Variants in MDGA2 observed in about 807,000 individuals in gnomAD.
MDGA2 encodes the protein MAM domain-containing glycosylphosphatidylinositol anchor protein 2.
Under a neutral mutation model 117.8 loss-of-function variants are expected in MDGA2, and 40 were observed. The ratio of observed to expected loss-of-function variants is 0.34; its 90% confidence interval spans 0.26 to 0.44. The LOEUF (loss-of-function observed/expected upper bound fraction) is 0.44. Ranked by LOEUF, MDGA2 falls within the 20% of genes least tolerant of loss-of-function variation. The pLI is 1.00. For synonymous variants in MDGA2, 452 were observed against 439.0 expected (o/e 1.03, Z -0.37); for missense variants, 1,123 against 1,250.6 (o/e 0.90, Z 1.54).
chr14:46,926,101 T>A (rs1826640011), intron 9 of MDGA2, among the ~76,000 whole-genome samples: 1 of 152,196 alleles, frequency 6.6e-6, no homozygotes, highest in Admixed American at 6.5e-5. Context: ...TTGTGAAGCA[T>A]CTTAGTGATA....
chr14:47,366,047 C>T (rs531431990), intron 1 of MDGA2, among the ~76,000 whole-genome samples: 25 of 152,212 alleles, frequency 1.6e-4, no homozygotes, highest in African/African-American at 4.6e-4. Context: ...AAAGAAAAGG[C>T]GGAAAATCCT....
At chr14:47,175,600 C>A (rs1476383557) in intron 3 of MDGA2, among the ~76,000 whole-genome samples, 1 of 152,000 alleles carries the variant, frequency 6.6e-6, no homozygotes, top group South Asian at 2.1e-4. Flanking sequence ...AATTCAACTA[C>A]CCTTCATGCT....
intron 8 of MDGA2, among the ~76,000 whole-genome samples, chr14:46,995,267 AT>A (rs1887245659): frequency 1.3e-5 from 2 of 152,038 alleles, no homozygotes; most frequent in South Asian, 4.1e-4. Flanking sequence ...GAGTTTTTTG[AT>A]TTTCAGATCC....
chr14:47,219,612 CA>C (rs1886225315), intron 2 of MDGA2, among the ~76,000 whole-genome samples: 1 of 151,722 alleles, frequency 6.6e-6, no homozygotes, highest in South Asian at 2.1e-4. Flanking sequence ...AACATATTTG[CA>C]AAATAATGCA....
At chr14:47,289,400 T>G (rs4270072) in intron 2 of MDGA2, among the ~76,000 whole-genome samples, 26,404 of 150,564 alleles carry the variant, frequency 0.18, 2,336 homozygotes, top group Middle Eastern at 0.23. Context: ...ATCAATTAAT[T>G]TGATTATCAT....
intron 1 of MDGA2, among the ~76,000 whole-genome samples, chr14:47,345,760 T>G (rs1217994480): frequency 6.6e-6 from 1 of 152,158 alleles, no homozygotes; most frequent in African/African-American, 2.4e-5. Flanking sequence ...ACATTTCATA[T>G]TCACAGAAGT....
At chr14:47,059,252 C>A (rs1354882212) in intron 7 of MDGA2, 1 of 1,109,480 alleles carries the variant, frequency 9.0e-7, no homozygotes, top group South Asian at 1.3e-5. Context: ...GTGATGCAGA[C>A]AAAGTCTCAG....
chr14:46,980,326 T>C (rs1886622609), intron 8 of MDGA2, among the ~76,000 whole-genome samples: 1 of 152,164 alleles, frequency 6.6e-6, no homozygotes, highest in Non-Finnish European at 1.5e-5. Flanking sequence ...CCTGAAGATG[T>C]GACTGAACTG....
chr14:47,092,777 A>G (rs1436116810), intron 6 of MDGA2, among the ~76,000 whole-genome samples: 12 of 152,138 alleles, frequency 7.9e-5, no homozygotes. Context: ...GGGAAGGGAC[A>G]TGACCATGTC....
intron 6 of MDGA2, among the ~76,000 whole-genome samples, chr14:47,075,410 A>G (rs572003687): frequency 6.6e-6 from 1 of 152,308 alleles, no homozygotes; most frequent in East Asian, 1.9e-4. Context: ...TCCAGAGGGG[A>G]CATATCTGAA....
At chr14:47,267,097 A>T (rs1385750031) in intron 2 of MDGA2, among the ~76,000 whole-genome samples, 1 of 152,190 alleles carries the variant, frequency 6.6e-6, no homozygotes, top group African/African-American at 2.4e-5. Context: ...GATTGCATGA[A>T]GTACCTGGTA....
intron 7 of MDGA2, among the ~76,000 whole-genome samples, chr14:47,050,266 C>T (rs116948127): frequency 1.6e-4 from 24 of 151,894 alleles, no homozygotes; most frequent in Admixed American, 7.9e-4. Context: ...GCTTCTCATA[C>T]GTAAAATGAA....
At chr14:47,560,021 G>T (rs1478079437) in intron 1 of MDGA2, among the ~76,000 whole-genome samples, 2 of 151,900 alleles carry the variant, frequency 1.3e-5, no homozygotes, top group Non-Finnish European at 2.9e-5. Flanking sequence ...TGCCAACAGT[G>T]AATAAGTGTT....
intron 8 of MDGA2, among the ~76,000 whole-genome samples, chr14:46,961,179 C>T (rs1373866333): frequency 1.3e-5 from 2 of 151,942 alleles, no homozygotes; most frequent in South Asian, 2.1e-4. Context: ...TATACGGTTC[C>T]TAGTGATGAG....
At chr14:47,329,376 GAAAGA>G (rs1890232787) in intron 1 of MDGA2, among the ~76,000 whole-genome samples, 3 of 152,030 alleles carry the variant, frequency 2.0e-5, no homozygotes, top group Admixed American at 6.6e-5. Flanking sequence ...GAAAATAAAA[GAAAGA>G]AAAGAAAAGA....
intron 1 of MDGA2, among the ~76,000 whole-genome samples, chr14:47,412,499 C>T (rs1467158213): frequency 3.3e-5 from 5 of 152,152 alleles, no homozygotes; most frequent in African/African-American, 1.2e-4. Flanking sequence ...CCAGGTGGGT[C>T]TCGAAATCCT....
chr14:47,656,429 C>T (rs1319969871), intron 1 of MDGA2, among the ~76,000 whole-genome samples: 1 of 152,132 alleles, frequency 6.6e-6, no homozygotes, highest in African/African-American at 2.4e-5. Flanking sequence ...TGCCCTGCAG[C>T]CCCACTAATG....
intron 1 of MDGA2, among the ~76,000 whole-genome samples, chr14:47,491,803 A>T (rs201437193): frequency 2.5e-4 from 2 of 7,856 alleles, no homozygotes; most frequent in African/African-American, 1.2e-3. Flanking sequence ...AATCTGATTG[A>T]AAAAAAAAAG....
At chr14:46,865,584 A>G (rs920941661) in intron 14 of MDGA2, among the ~76,000 whole-genome samples, 3 of 152,098 alleles carry the variant, frequency 2.0e-5, no homozygotes, top group African/African-American at 7.2e-5. Flanking sequence ...TCAATTAGGA[A>G]AAGAGGAAGT....
Sources: gnomAD v4.1 joint callset for allele counts (sites outside exome capture counted in the v4.1 genomes callset) on GRCh38, gnomAD v4.1.1 for gene constraint, MANE v1.5 for transcripts, NCBI Gene and HGNC (gene_info 2026-07-23, HGNC 2026-07-21) for gene names.